The following KSR2 variants were observed in gnomAD, a reference collection of about 807,000 sequenced individuals.
KSR2 encodes kinase suppressor of ras 2.
Under a neutral mutation model 107.8 loss-of-function variants are expected in KSR2, and 25 were observed. The observed-to-expected ratio is 0.23, with a 90% confidence interval of 0.17 to 0.32. The LOEUF is 0.32. Ranked by LOEUF, KSR2 falls within the 10% of genes least tolerant of loss-of-function variation. KSR2 has a pLI of 1.00. For missense variants in KSR2, 887 were observed against 1,268.9 expected, an observed-to-expected ratio of 0.70 and a Z score of 4.57; for synonymous variants, 480 against 507.0, an observed-to-expected ratio of 0.95 and a Z score of 0.71.
chr12:117,689,432 A>G (rs1326997028), intron 4 of KSR2, among the ~76,000 whole-genome samples: 1 of 152,276 alleles, frequency 6.6e-6, no homozygotes, highest in Non-Finnish European at 1.5e-5. Context: ...GTAAAGGGCC[A>G]GATAGTAAAT....
At chr12:117,692,298 A>T (rs1885848411) in intron 4 of KSR2, among the ~76,000 whole-genome samples, 1 of 151,930 alleles carries the variant, frequency 6.6e-6, no homozygotes, top group South Asian at 2.1e-4. Flanking sequence ...TTTTACAAAT[A>T]GAAAATAATA....
At chr12:117,711,066 C>G (rs1331071511) in intron 4 of KSR2, among the ~76,000 whole-genome samples, 1 of 152,186 alleles carries the variant, frequency 6.6e-6, no homozygotes, top group African/African-American at 2.4e-5. Flanking sequence ...TTTCTCATTG[C>G]ACTCTACATT....
At chr12:117,618,730 T>G (rs1229955506) in intron 5 of KSR2, among the ~76,000 whole-genome samples, 1 of 152,124 alleles carries the variant, frequency 6.6e-6, no homozygotes, top group Non-Finnish European at 1.5e-5. Flanking sequence ...TCTGCCACCA[T>G]GTAAGAATGT....
chr12:117,649,698 G>A (rs1427354368), intron 5 of KSR2, among the ~76,000 whole-genome samples: 3 of 152,096 alleles, frequency 2.0e-5, no homozygotes, highest in African/African-American at 7.2e-5. Context: ...CCCTGGGAGT[G>A]GGGCTGAGTC....
intron 5 of KSR2, among the ~76,000 whole-genome samples, chr12:117,587,170 C>T (rs1880054696): frequency 2.0e-5 from 3 of 152,138 alleles, no homozygotes; most frequent in Non-Finnish European, 4.4e-5. Context: ...AAAAGATGCC[C>T]ACGTCCTGAT....
At chr12:117,937,700 T>C (rs1895887348) in intron 1 of KSR2, among the ~76,000 whole-genome samples, 1 of 151,592 alleles carries the variant, frequency 6.6e-6, no homozygotes, top group Non-Finnish European at 1.5e-5. Context: ...GGCTCACCCC[T>C]GTAATCCCAG....
intron 1 of KSR2, among the ~76,000 whole-genome samples, chr12:117,964,388 C>T (rs1896737601): frequency 1.3e-5 from 2 of 152,210 alleles, no homozygotes; most frequent in Non-Finnish European, 2.9e-5. Context: ...ACTTATTAAC[C>T]ACAGAATTTG....
Position 117,682,275 on chromosome 12 carries a change from G to C in KSR2, c.987-14617C>G, listed in dbSNP as rs566110819. Among the ~76,000 whole-genome samples, 24 of 152,132 alleles carry C rather than the reference G, an allele frequency of 1.6e-4. No homozygotes were observed. In the South Asian group the frequency reaches 4.6e-3, roughly 29 times the overall value. Reference sequence around the variant, plus strand: ...ACACACTGGGGCCTATTGCGGGGGCGGGGGGAGAGAGAACATTAGGAAAAA... The same window carrying C: ...ACACACTGGGGCCTATTGCGGGGGCCGGGGGAGAGAGAACATTAGGAAAAA... On this transcript the variant is annotated intron_variant, in intron 4 of 19. Coordinates refer to ENST00000339824, the MANE Select transcript of KSR2 (RefSeq NM_173598.6).
At chr12:117,931,560 A>C (rs1006350199) in intron 1 of KSR2, among the ~76,000 whole-genome samples, 9 of 152,170 alleles carry the variant, frequency 5.9e-5, no homozygotes, top group African/African-American at 2.2e-4. Flanking sequence ...CCACTGCTAG[A>C]CGTTCTCTCT....
intron 4 of KSR2, among the ~76,000 whole-genome samples, chr12:117,758,560 G>A (rs914741369): frequency 2.0e-5 from 3 of 152,096 alleles, no homozygotes; most frequent in Non-Finnish European, 2.9e-5. Flanking sequence ...TGCTAACTCA[G>A]CCAGAAGAAA....
intron 3 of KSR2, among the ~76,000 whole-genome samples, chr12:117,789,743 T>C (rs1890193480): frequency 6.6e-6 from 1 of 152,162 alleles, no homozygotes; most frequent in Non-Finnish European, 1.5e-5. Flanking sequence ...ATTCCTCCTA[T>C]AAGCAATTCT....
chr12:117,616,365 A>G (rs1461780189), intron 5 of KSR2, among the ~76,000 whole-genome samples: 2 of 152,142 alleles, frequency 1.3e-5, no homozygotes, highest in African/African-American at 4.8e-5. Context: ...CACATATTTG[A>G]GAGTTTAAGT....
intron 3 of KSR2, among the ~76,000 whole-genome samples, chr12:117,788,561 G>C (rs963590576): frequency 1.3e-5 from 2 of 152,174 alleles, no homozygotes; most frequent in East Asian, 1.9e-4. Context: ...GAGTGCAGTG[G>C]CATGATCTCA....
rs566247304 is a variant in KSR2 at position 117,930,178 on chromosome 12, C to T, written c.180+37898G>A. ...CCTCCCAAGTAGCTGAGACTACAGGCACACACCACCCATCCAGATAATGTT... is the reference window on the plus strand; with the variant it reads ...CCTCCCAAGTAGCTGAGACTACAGGTACACACCACCCATCCAGATAATGTT... On this transcript the variant is annotated intron_variant, in intron 1 of 19. Transcript: ENST00000339824. Among the ~76,000 whole-genome samples, 112 of 152,144 alleles carry T rather than the reference C, an allele frequency of 7.4e-4. 1 individual carries two copies. The highest frequency in any genetic ancestry group is 2.6e-3 in the African/African-American group (110 of 41,514).
At chr12:117,628,738 C>G (rs1274419684) in intron 5 of KSR2, among the ~76,000 whole-genome samples, 1 of 152,240 alleles carries the variant, frequency 6.6e-6, no homozygotes, top group East Asian at 1.9e-4. Flanking sequence ...CTCTTCAGAG[C>G]TGTCAGACAG....
At chr12:117,808,688 C>T (rs566195116) in intron 3 of KSR2, among the ~76,000 whole-genome samples, 1 of 152,264 alleles carries the variant, frequency 6.6e-6, no homozygotes, top group East Asian at 1.9e-4. Flanking sequence ...ATCCTCAACT[C>T]CTACACCCCT....
chr12:117,551,927 C>A (rs1877339523), intron 9 of KSR2, among the ~76,000 whole-genome samples: 1 of 152,082 alleles, frequency 6.6e-6, no homozygotes, highest in Admixed American at 6.5e-5. Flanking sequence ...CATCTGACAC[C>A]AAGAGGCTCA....
rs911588969 is a variant in KSR2 at position 117,463,022 on chromosome 12, G to A, written c.*4177C>T. The stretch of plus-strand genomic sequence containing the variant: ...CCAACCCTGCTGACACCTTGATCTT[G>A]GGACTTCCAGCCTCAAGAATTGTGA... On this transcript the variant is annotated 3_prime_UTR_variant, in exon 20 of 20. Coordinates refer to ENST00000339824, the MANE Select transcript of KSR2 (RefSeq NM_173598.6). The A allele has an allele frequency of 6.6e-6, 1 of 152,234 alleles. No homozygotes were observed. The highest frequency in any genetic ancestry group is 2.4e-5 in the African/African-American group (1 of 41,448). The allele number at this position is 152,234 out of a possible 1,614,324, so 9.4% of individuals were successfully genotyped here.
At chr12:117,616,093 G>A (rs1881869991) in intron 5 of KSR2, among the ~76,000 whole-genome samples, 1 of 149,854 alleles carries the variant, frequency 6.7e-6, no homozygotes, top group African/African-American at 2.5e-5. Context: ...AGAGGTTGAG[G>A]CTGCAGTGAG....
Sources: gnomAD v4.1 joint callset for allele counts (sites outside exome capture counted in the v4.1 genomes callset) on GRCh38, gnomAD v4.1.1 for gene constraint, MANE v1.5 for transcripts, NCBI Gene and HGNC (gene_info 2026-07-23, HGNC 2026-07-21) for gene names.